OPHN1: variants seen among roughly 807,000 people sequenced by gnomAD.
OPHN1 encodes oligophrenin-1.
In OPHN1, 11 loss-of-function variants were observed where a neutral mutation model predicts 60.7. That is an observed-to-expected ratio of 0.18 (90% CI 0.11 to 0.30). OPHN1 has a LOEUF of 0.30. Among genes scored for constraint, OPHN1 ranks in the 10% least tolerant of loss-of-function variants. The pLI is 1.00. For synonymous variants in OPHN1, 226 were observed against 222.6 expected, an observed-to-expected ratio of 1.02 and a Z score of -0.14; for missense variants, 449 against 611.0, an observed-to-expected ratio of 0.73 and a Z score of 2.80.
intron 16 of OPHN1, among the ~76,000 whole-genome samples, chrX:68,116,361 C>T (rs375234585): frequency 9.0e-6 from 1 of 111,571 alleles, no homozygotes; most frequent in East Asian, 2.8e-4. Flanking sequence ...CATTTTCTCC[C>T]TTGTTATGCC....
At chrX:68,077,904 CAT>C (rs1279546697) in intron 19 of OPHN1, among the ~76,000 whole-genome samples, 2 of 112,117 alleles carry the variant, frequency 1.8e-5, no homozygotes, top group East Asian at 2.8e-4. Flanking sequence ...ATCTAACACA[CAT>C]GAGTTCAAAC....
chrX:68,432,791 C>A, intron 2 of OPHN1, 76 bp downstream of exon 2: 1 of 1,103,517 alleles, frequency 9.1e-7, no homozygotes, highest in Non-Finnish European at 1.2e-6. Context: ...AATCTCCCTT[C>A]CCCTGGTGGT....
At chrX:68,169,148 A>G (rs913983403) in intron 15 of OPHN1, among the ~76,000 whole-genome samples, 1 of 111,674 alleles carries the variant, frequency 9.0e-6, no homozygotes, top group Admixed American at 9.5e-5. Context: ...AGACAAACAG[A>G]GAGCCAAATC....
chrX:68,145,490 A>G (rs1284721964), intron 15 of OPHN1, among the ~76,000 whole-genome samples: 1 of 111,995 alleles, frequency 8.9e-6, no homozygotes, highest in Non-Finnish European at 1.9e-5. Flanking sequence ...CTTGCATACT[A>G]ATGTTTTTTA....
chrX:68,112,404 G>C (rs1238893744), intron 17 of OPHN1: 1 of 120,750 alleles, frequency 8.3e-6, no homozygotes, highest in Non-Finnish European at 1.7e-5. Flanking sequence ...CTTCCAGCTG[G>C]AAACCTATTC....
intron 2 of OPHN1, among the ~76,000 whole-genome samples, chrX:68,377,544 T>G (rs1392267992): frequency 9.2e-5 from 10 of 108,390 alleles, no homozygotes; most frequent in Non-Finnish European, 3.8e-5. Flanking sequence ...ACTCATCATT[T>G]AGCATTAGGT....
chrX:68,320,408 G>C (rs1469580404), intron 2 of OPHN1, among the ~76,000 whole-genome samples: 3 of 111,197 alleles, frequency 2.7e-5, no homozygotes, highest in Admixed American at 9.6e-5. Flanking sequence ...TATCAGAAAG[G>C]CTAAAACAAA....
chrX:68,398,180 T>C (rs942930693), intron 2 of OPHN1, among the ~76,000 whole-genome samples: 1 of 111,982 alleles, frequency 8.9e-6, no homozygotes, highest in Admixed American at 9.6e-5. Context: ...TTTGCTAGTA[T>C]TTTGGGGAGA....
intron 2 of OPHN1, among the ~76,000 whole-genome samples, chrX:68,350,689 A>T: frequency 9.7e-6 from 1 of 103,524 alleles, no homozygotes; most frequent in East Asian, 3.0e-4. Context: ...GGTAATTTTT[A>T]AATTTTTTAT....
chrX:68,386,317 G>T (rs2078624262), intron 2 of OPHN1, among the ~76,000 whole-genome samples: 1 of 111,628 alleles, frequency 9.0e-6, no homozygotes, highest in South Asian at 3.7e-4. Context: ...GAAAAAAATA[G>T]CTTTTCTGAT....
chrX:68,279,413 A>G (rs1377328760), intron 4 of OPHN1, among the ~76,000 whole-genome samples: 1 of 109,124 alleles, frequency 9.2e-6, no homozygotes, highest in Non-Finnish European at 1.9e-5. Flanking sequence ...ACCCAGCCCC[A>G]ACAGTATACT....
intron 15 of OPHN1, among the ~76,000 whole-genome samples, chrX:68,192,208 G>A (rs1349633812): frequency 8.9e-6 from 1 of 111,846 alleles, no homozygotes; most frequent in African/African-American, 3.2e-5. Flanking sequence ...CCTATAAGAT[G>A]TTAGAAGAGG....
chrX:68,286,727 G>T (rs2078042643), intron 3 of OPHN1, among the ~76,000 whole-genome samples: 1 of 111,712 alleles, frequency 9.0e-6, no homozygotes, highest in Non-Finnish European at 1.9e-5. Flanking sequence ...TTTAGAAAAT[G>T]CCCTAGGGGC....
chrX:68,218,592 C>T (rs1370200053), intron 6 of OPHN1, among the ~76,000 whole-genome samples: 1 of 110,084 alleles, frequency 9.1e-6, no homozygotes, highest in Non-Finnish European at 1.9e-5. Context: ...CGGCAGAAAC[C>T]CTACAAGCCA....
In OPHN1 at chrX:68,097,036, G is replaced by A; in HGVS notation, c.1527-7C>T. ...TTTGCTGTGCTCACACACACTGCCA[G>A]AAGAAAAGGGGCAAGATTAACAAAA... On this transcript the variant is annotated splice_region_variant and splice_polypyrimidine_tract_variant and intron_variant, in intron 18 of 24. Coordinates refer to ENST00000355520, the MANE Select transcript of OPHN1 (RefSeq NM_002547.3). 1.7e-6 allele frequency: 2 copies of A among 1,202,741 alleles called. No individual in the cohort carries two copies. Among genetic ancestry groups the A allele is most frequent in the South Asian group, 1.8e-5 (1 of 55,425 alleles).
At chrX:68,081,272 A>C (rs1226885256) in intron 19 of OPHN1, among the ~76,000 whole-genome samples, 2 of 111,835 alleles carry the variant, frequency 1.8e-5, no homozygotes, top group Non-Finnish European at 1.9e-5. Flanking sequence ...GAGAGTACAA[A>C]GTAGAGGTCA....
At chrX:68,089,682 G>C (rs2077009034) in intron 19 of OPHN1, among the ~76,000 whole-genome samples, 1 of 111,390 alleles carries the variant, frequency 9.0e-6, no homozygotes, top group African/African-American at 3.3e-5. Flanking sequence ...AATCAAAAGG[G>C]GAATCTTTTC....
intron 10 of OPHN1, among the ~76,000 whole-genome samples, chrX:68,204,956 G>C (rs773207987): frequency 2.6e-4 from 29 of 111,854 alleles, no homozygotes; most frequent in Non-Finnish European, 4.3e-4. Flanking sequence ...AATGTGTGTA[G>C]AAAAATAAAA....
intron 15 of OPHN1, among the ~76,000 whole-genome samples, chrX:68,179,507 C>A (rs1211230393): frequency 8.9e-6 from 1 of 111,990 alleles, no homozygotes; most frequent in Non-Finnish European, 1.9e-5. Flanking sequence ...ACCTTGGGTC[C>A]TGTCTTTGGC....
Sources: gnomAD v4.1 joint callset for allele counts (sites outside exome capture counted in the v4.1 genomes callset) on GRCh38, gnomAD v4.1.1 for gene constraint, MANE v1.5 for transcripts, NCBI Gene and HGNC (gene_info 2026-07-23, HGNC 2026-07-21) for gene names.